SFMBT2: variants seen among roughly 807,000 people sequenced by gnomAD.
SFMBT2 encodes Scm like with four mbt domains 2, also known as scm-like with four MBT domains protein 2.
SFMBT2 carries 38 observed loss-of-function variants against 110.1 expected under a neutral mutation model. The ratio of observed to expected loss-of-function variants is 0.35; its 90% CI spans 0.27 to 0.45. The LOEUF (loss-of-function observed/expected upper bound fraction) is 0.45. Among genes scored for constraint, SFMBT2 ranks in the 20% least tolerant of loss-of-function variants. The pLI is 1.00. For missense variants in SFMBT2, 1,011 were observed against 1,094.9 expected, an observed-to-expected ratio of 0.92 and a Z score of 1.08; for synonymous variants, 425 against 425.4, an observed-to-expected ratio of 1.00 and a Z score of 0.01.
chr10:7,378,283 TGG>T, intron 2 of SFMBT2, among the ~76,000 whole-genome samples: 1 of 27,734 alleles, frequency 3.6e-5, no homozygotes, highest in Non-Finnish European at 5.9e-5. Context: ...GGTGTGAGTG[TGG>T]GTGTGTGTGG....
chr10:7,316,180 G>T (rs2131919008), intron 4 of SFMBT2, among the ~76,000 whole-genome samples: 1 of 152,262 alleles, frequency 6.6e-6, no homozygotes, highest in South Asian at 2.1e-4. Flanking sequence ...GGTTGTGTTG[G>T]ATTTTTATCA....
chr10:7,339,042 C>T (rs2131979241), intron 4 of SFMBT2, among the ~76,000 whole-genome samples: 1 of 152,240 alleles, frequency 6.6e-6, no homozygotes, highest in Middle Eastern at 3.4e-3. Flanking sequence ...GAGTTCGAGA[C>T]CAGCCTGGCC....
intron 10 of SFMBT2, among the ~76,000 whole-genome samples, chr10:7,227,583 C>A (rs1027043929): frequency 2.6e-5 from 4 of 152,242 alleles, no homozygotes; most frequent in African/African-American, 9.6e-5. Flanking sequence ...ATCAGGAAGA[C>A]CCTGGGCTCT....
intron 4 of SFMBT2, among the ~76,000 whole-genome samples, chr10:7,291,615 C>T (rs1842262889): frequency 6.6e-6 from 1 of 152,164 alleles, no homozygotes; most frequent in Non-Finnish European, 1.5e-5. Context: ...GCCAACAATG[C>T]TCATGCATCA....
intron 16 of SFMBT2, 50 bp downstream of exon 16, chr10:7,188,574 A>C (rs1004898470): frequency 6.3e-6 from 9 of 1,423,908 alleles, no homozygotes; most frequent in Non-Finnish European, 8.9e-6. Flanking sequence ...TCAAAGTAGC[A>C]TGGGGAAGTA....
intron 4 of SFMBT2, among the ~76,000 whole-genome samples, chr10:7,364,558 T>C (rs75831994): frequency 0.053 from 8,014 of 152,328 alleles, 242 homozygotes; most frequent in Non-Finnish European, 0.065. Flanking sequence ...AGTATTCAGA[T>C]TCAAGACCCC....
Position 7,161,275 on chromosome 10 carries a change from C to T in SFMBT2, c.*2495G>A, listed in dbSNP as rs9665413. 0.44 allele frequency: 66,187 copies of T among 152,108 alleles called. 15,267 individuals are homozygous for T. The highest frequency in any genetic ancestry group is 0.52 in the Non-Finnish European group (35,065 of 68,024). 9.4% of individuals were successfully genotyped at this position (152,108 alleles called of 1,614,324 possible). A position where few individuals can be genotyped will look rare whatever the true frequency, so the allele number is the denominator to read the frequency against. On this transcript the variant is annotated 3_prime_UTR_variant, in exon 21 of 21. Transcript: ENST00000397167. ...CAGCACCTCCTCCTCCGTGCTACCA[C>T]TGAAAAGGGAGACAGAAGTGACATT...
At chr10:7,318,715 G>A (rs761356364) in intron 4 of SFMBT2, among the ~76,000 whole-genome samples, 2 of 152,260 alleles carry the variant, frequency 1.3e-5, no homozygotes, top group South Asian at 2.1e-4. Flanking sequence ...AAAGGTTCGC[G>A]TCTCCGCGTC....
intron 15 of SFMBT2, among the ~76,000 whole-genome samples, chr10:7,195,805 G>A (rs758606296): frequency 4.9e-4 from 74 of 152,306 alleles, no homozygotes; most frequent in African/African-American, 9.9e-4. Flanking sequence ...CTGGGACCAC[G>A]TGGCTACCTT....
intron 2 of SFMBT2, among the ~76,000 whole-genome samples, chr10:7,372,669 G>A (rs1195430359): frequency 6.6e-6 from 1 of 152,210 alleles, no homozygotes; most frequent in Non-Finnish European, 1.5e-5. Context: ...GGTGGTACCT[G>A]ATGGCTCTGT....
Position 7,205,351 on chromosome 10 carries a change from A to G in SFMBT2, c.1444+464T>C, listed in dbSNP as rs973453679. On this transcript the variant is annotated intron_variant, in intron 12 of 20. Transcript: ENST00000397167. ...AAGCATTCTCCTGCCTTGGCCTCCCAAAGTACTGAGATTATAGGAATGAGG... is the reference window on the plus strand; with the variant it reads ...AAGCATTCTCCTGCCTTGGCCTCCCGAAGTACTGAGATTATAGGAATGAGG... 9.3e-6 allele frequency: 9 copies of G among 965,322 alleles called. No individual in the cohort carries two copies. The African/African-American group carries it at 1.6e-4, about 17-fold the overall frequency. 59.8% of individuals were successfully genotyped at this position (965,322 alleles called of 1,614,324 possible).
At chr10:7,385,825 C>T (rs372506037) in intron 1 of SFMBT2, among the ~76,000 whole-genome samples, 3 of 152,112 alleles carry the variant, frequency 2.0e-5, no homozygotes, top group Admixed American at 6.5e-5. Context: ...CGGTGAAACC[C>T]CGTCTCTACT....
intron 4 of SFMBT2, among the ~76,000 whole-genome samples, chr10:7,364,668 A>C (rs1334498205): frequency 6.6e-6 from 1 of 152,230 alleles, no homozygotes; most frequent in East Asian, 1.9e-4. Flanking sequence ...GTTAAACTTG[A>C]AGAGTGAGTC....
intron 4 of SFMBT2, among the ~76,000 whole-genome samples, chr10:7,349,480 G>T (rs554521277): frequency 8.2e-5 from 9 of 110,268 alleles, no homozygotes; most frequent in Non-Finnish European, 1.7e-4. Flanking sequence ...GGGGGGAGAC[G>T]GAGTTTTGCT....
At chr10:7,403,762 C>G (rs1032697338) in intron 1 of SFMBT2, among the ~76,000 whole-genome samples, 1 of 152,242 alleles carries the variant, frequency 6.6e-6, no homozygotes, top group Non-Finnish European at 1.5e-5. Flanking sequence ...AAATCTAGCT[C>G]TCTCTCCTGC....
At chr10:7,241,314 T>G (rs1236036229) in intron 9 of SFMBT2, 1 of 981,544 alleles carries the variant, frequency 1.0e-6, no homozygotes, top group Non-Finnish European at 1.2e-6. Flanking sequence ...CTAATGATAT[T>G]TACCACTTCT....
chr10:7,358,888 A>G (rs1844617189), intron 4 of SFMBT2, among the ~76,000 whole-genome samples: 1 of 152,240 alleles, frequency 6.6e-6, no homozygotes, highest in East Asian at 1.9e-4. Context: ...TGTCCCTAGA[A>G]CATCTGCATG....
At chr10:7,332,384 G>C (rs1394454520) in intron 4 of SFMBT2, among the ~76,000 whole-genome samples, 1 of 152,086 alleles carries the variant, frequency 6.6e-6, no homozygotes, top group Non-Finnish European at 1.5e-5. Context: ...CATGCAAAAG[G>C]GTGCTATTCA....
intron 4 of SFMBT2, among the ~76,000 whole-genome samples, chr10:7,333,625 G>A (rs950964369): frequency 6.6e-6 from 1 of 151,430 alleles, no homozygotes; most frequent in African/African-American, 2.4e-5. Flanking sequence ...AAGACATACT[G>A]GAGACTGGGT....
Sources: gnomAD v4.1 joint callset for allele counts (sites outside exome capture counted in the v4.1 genomes callset) on GRCh38, gnomAD v4.1.1 for gene constraint, MANE v1.5 for transcripts, NCBI Gene and HGNC (gene_info 2026-07-23, HGNC 2026-07-21) for gene names.